Variants in CMSS1 observed in about 807,000 individuals in gnomAD.
CMSS1 encodes protein CMSS1.
Under a neutral mutation model 43.5 loss-of-function variants are expected in CMSS1, and 33 were observed. The observed-to-expected ratio is 0.76, with a 90% CI of 0.57 to 1.01. The LOEUF (loss-of-function observed/expected upper bound fraction) is 1.01, where lower values mean the gene tolerates loss of function less well. Ranked by LOEUF, CMSS1 falls within the 50% of genes least tolerant of loss-of-function variation. The probability of loss-of-function intolerance (pLI) is 0.00; values close to 1 mark genes in which losing one functional copy is unlikely to be tolerated. For synonymous variants in CMSS1, 115 were observed against 117.2 expected, an observed-to-expected ratio of 0.98 and a Z score of 0.12; for missense variants, 313 against 326.4, an observed-to-expected ratio of 0.96 and a Z score of 0.32.
chr3:99,961,310 TC>T (rs1708483057), intron 1 of CMSS1, among the ~76,000 whole-genome samples: 1 of 152,250 alleles, frequency 6.6e-6, no homozygotes, highest in Non-Finnish European at 1.5e-5. Context: ...TTGTTTGAAA[TC>T]CTCTGAGTAT....
chr3:99,850,573 A>G lies in CMSS1; in HGVS notation c.64+32530A>G, dbSNP rs1477992934. ...CCTGAGCTCTTCCACTTCAGCCATG[A>G]TACCAGCGTTTCCATATTCTCCCTT... On this transcript the variant is annotated intron_variant, in intron 1 of 9. Transcript: ENST00000421999. 6.2e-6 allele frequency: 10 copies of G among 1,613,734 alleles called. No homozygotes were observed. In the South Asian group the frequency reaches 1.1e-4, roughly 18 times the overall value.
chr3:100,011,188 A>C (rs971744738), intron 1 of CMSS1, among the ~76,000 whole-genome samples: 1 of 152,172 alleles, frequency 6.6e-6, no homozygotes, highest in African/African-American at 2.4e-5. Context: ...ATTAGTAAGA[A>C]GGATGTCTAT....
In CMSS1 at chr3:99,849,164, G is replaced by T. The variant is rs200426741; in HGVS notation, c.64+31121G>T. On this transcript the variant is annotated intron_variant, in intron 1 of 9. Coordinates refer to ENST00000421999, the MANE Select transcript of CMSS1 (RefSeq NM_032359.4). ...GACAGCACAGATCCCTCATCATTAG[G>T]GTCCTCGTCTTGATTCTCACTCTCC... The T allele has an allele frequency of 5.3e-5, 86 of 1,614,086 alleles. No individual in the cohort carries two copies. Among genetic ancestry groups the T allele is most frequent in the Admixed American group, 4.5e-4 (27 of 60,012 alleles).
chr3:99,905,301 C>T (rs1179802081), intron 1 of CMSS1, among the ~76,000 whole-genome samples: 4 of 152,208 alleles, frequency 2.6e-5, no homozygotes, highest in African/African-American at 9.7e-5. Flanking sequence ...TGAGTTCCAT[C>T]TAGTCCCATG....
chr3:100,101,201 T>G (rs1275327381), intron 1 of CMSS1, among the ~76,000 whole-genome samples: 1 of 152,136 alleles, frequency 6.6e-6, no homozygotes, highest in Non-Finnish European at 1.5e-5. Flanking sequence ...ATACTAAGAC[T>G]GAGAAAGAAT....
chr3:100,014,616 C>T (rs1232365155), intron 1 of CMSS1, among the ~76,000 whole-genome samples: 1 of 151,822 alleles, frequency 6.6e-6, no homozygotes, highest in Admixed American at 6.6e-5. Flanking sequence ...TTTCATATAC[C>T]TGTTGGCCAT....
chr3:99,991,898 ATATATATACATATATAGG>A (rs1480739824), intron 1 of CMSS1, among the ~76,000 whole-genome samples: 99 of 148,896 alleles, frequency 6.6e-4, no homozygotes, highest in African/African-American at 2.3e-3. Flanking sequence ...ATATGTGTGT[ATATATATACATATATAGG>A]TATATATACA....
intron 1 of CMSS1, among the ~76,000 whole-genome samples, chr3:100,097,327 T>G (rs1184412887): frequency 6.6e-6 from 1 of 152,212 alleles, no homozygotes; most frequent in Non-Finnish European, 1.5e-5. Flanking sequence ...TATTAGATAT[T>G]GTAAGTAATC....
At chr3:100,131,621 C>A (rs1009214145) in intron 1 of CMSS1, among the ~76,000 whole-genome samples, 2 of 152,130 alleles carry the variant, frequency 1.3e-5, no homozygotes, top group Non-Finnish European at 2.9e-5. Flanking sequence ...AGATTTTGAC[C>A]TAAATCTGGT....
At chr3:100,096,041 T>G (rs2107446139) in intron 1 of CMSS1, among the ~76,000 whole-genome samples, 1 of 152,260 alleles carries the variant, frequency 6.6e-6, no homozygotes, top group Non-Finnish European at 1.5e-5. Flanking sequence ...TCATTGATCA[T>G]CAGAAAACTG....
At chr3:99,857,091 G>T (rs761771788) in intron 1 of CMSS1, among the ~76,000 whole-genome samples, 34 of 152,124 alleles carry the variant, frequency 2.2e-4, no homozygotes, top group Non-Finnish European at 4.4e-4. Context: ...GGAACCACAT[G>T]AATTTTTTTT....
At chr3:99,849,007 C>G (rs1943515118) in intron 1 of CMSS1, 1 of 1,614,078 alleles carries the variant, frequency 6.2e-7, no homozygotes, top group Non-Finnish European at 8.5e-7. Context: ...GACTAGATCT[C>G]CAGGTTGCAC....
intron 4 of CMSS1, among the ~76,000 whole-genome samples, chr3:100,165,086 G>A (rs112501782): frequency 1.3e-4 from 20 of 152,140 alleles, no homozygotes; most frequent in African/African-American, 4.6e-4. Context: ...CAGATTCCCA[G>A]GCCCACCCCC....
intron 1 of CMSS1, among the ~76,000 whole-genome samples, chr3:99,939,215 G>A (rs1056759260): frequency 9.2e-5 from 14 of 152,168 alleles, no homozygotes; most frequent in African/African-American, 3.4e-4. Flanking sequence ...CAGGCACTTA[G>A]TATTTTCCAT....
intron 1 of CMSS1, among the ~76,000 whole-genome samples, chr3:99,946,629 T>G (rs2107682888): frequency 6.6e-6 from 1 of 152,340 alleles, no homozygotes; most frequent in African/African-American, 2.4e-5. Context: ...TTTATGCATC[T>G]AACCCACTCT....
At chr3:99,848,399 G>T (rs755330466) in intron 1 of CMSS1, 1 of 1,614,156 alleles carries the variant, frequency 6.2e-7, no homozygotes, top group Non-Finnish European at 8.5e-7. Context: ...ATTAAGCCTT[G>T]AGTTCGGTTA....
chr3:99,944,158 G>A (rs1171014943), intron 1 of CMSS1, among the ~76,000 whole-genome samples: 2 of 152,342 alleles, frequency 1.3e-5, no homozygotes, highest in African/African-American at 4.8e-5. Context: ...AAGGGAGGGA[G>A]TTCTTCTAGT....
chr3:100,172,573 T>C (rs1361213368), intron 8 of CMSS1, among the ~76,000 whole-genome samples, 170 bp downstream of exon 8: 2 of 152,168 alleles, frequency 1.3e-5, no homozygotes, highest in African/African-American at 4.8e-5. Flanking sequence ...TATAGCACAA[T>C]AGGGAATGAT....
intron 1 of CMSS1, among the ~76,000 whole-genome samples, chr3:100,027,976 G>A (rs1289611390): frequency 6.6e-6 from 1 of 152,134 alleles, no homozygotes; most frequent in African/African-American, 2.4e-5. Flanking sequence ...CTGTTGTTAG[G>A]TCCAATGGGA....
Sources: allele counts gnomAD v4.1 joint callset (sites outside exome capture counted in the v4.1 genomes callset), GRCh38; gene constraint gnomAD v4.1.1; transcripts MANE v1.5; gene names NCBI Gene and HGNC (gene_info 2026-07-23, HGNC 2026-07-21).